SLC39A11: variants seen among roughly 807,000 people sequenced by gnomAD.
SLC39A11 encodes solute carrier family 39 member 11.
SLC39A11 carries 33 observed loss-of-function variants against 36.1 expected under a neutral mutation model. The ratio of observed to expected loss-of-function variants is 0.91; its 90% confidence interval spans 0.69 to 1.22. The LOEUF (loss-of-function observed/expected upper bound fraction) is 1.22. Ranked by LOEUF, SLC39A11 falls within the 50% of genes most tolerant of loss-of-function variation. The pLI, the probability that SLC39A11 is intolerant of heterozygous loss-of-function variation, is 0.00. For synonymous variants in SLC39A11, 166 were observed against 170.3 expected, an observed-to-expected ratio of 0.97 and a Z score of 0.20; for missense variants, 432 against 430.3, an observed-to-expected ratio of 1.00 and a Z score of -0.03.
intron 4 of SLC39A11, among the ~76,000 whole-genome samples, chr17:73,013,009 G>C (rs1238508459): frequency 6.6e-6 from 1 of 152,122 alleles, no homozygotes; most frequent in East Asian, 1.9e-4. Flanking sequence ...ATGTTGGCCA[G>C]GCTGGTCTCG....
chr17:73,021,682 C>G (rs149558311), intron 4 of SLC39A11, among the ~76,000 whole-genome samples: 2 of 152,296 alleles, frequency 1.3e-5, no homozygotes, highest in East Asian at 3.9e-4. Flanking sequence ...TCGACTGGTT[C>G]AATATGCTTC....
intron 6 of SLC39A11, among the ~76,000 whole-genome samples, chr17:72,805,457 T>C (rs2077219330): frequency 6.6e-6 from 1 of 152,188 alleles, no homozygotes; most frequent in African/African-American, 2.4e-5. Flanking sequence ...TCAGCAGACT[T>C]TGCACTTAGC....
At chr17:72,838,409 C>T (rs551484851) in intron 6 of SLC39A11, among the ~76,000 whole-genome samples, 2 of 151,786 alleles carry the variant, frequency 1.3e-5, no homozygotes, top group Admixed American at 6.6e-5. Context: ...TTTAATTTTT[C>T]GTAGAGATGG....
At chr17:73,044,150 A>C (rs912094877) in intron 3 of SLC39A11, among the ~76,000 whole-genome samples, 2 of 151,810 alleles carry the variant, frequency 1.3e-5, no homozygotes, top group Non-Finnish European at 2.9e-5. Flanking sequence ...TTGCTTAAAT[A>C]AGAAAAAAAA....
chr17:72,900,188 A>AAGGAAG lies in SLC39A11; in HGVS notation c.430+47563_430+47564insCTTCCT, dbSNP rs1567912814. Among the ~76,000 whole-genome samples the AAGGAAG allele has an allele frequency of 5.9e-4, 81 of 137,596 alleles. 12 individuals are homozygous for AAGGAAG. The highest frequency in any genetic ancestry group is 2.6e-3 in the African/African-American group (77 of 29,356). 90.3% of individuals were successfully genotyped at this position (137,596 alleles called of 152,430 possible). On this transcript the variant is annotated intron_variant, in intron 5 of 9. Coordinates refer to ENST00000255559, the MANE Select transcript of SLC39A11 (RefSeq NM_139177.4). ...AAGAAAGAAAGAAAGAAAGAAAGAA[A>AAGGAAG]GAAAGAAAGAAAGAAAGAAAGAAAG...
chr17:72,837,349 T>A (rs1015147706), intron 6 of SLC39A11, among the ~76,000 whole-genome samples: 1 of 126,732 alleles, frequency 7.9e-6, no homozygotes, highest in Admixed American at 8.7e-5. Flanking sequence ...ACTATAAAAA[T>A]GTATATTGCT....
chr17:72,991,973 C>T (rs992047108), intron 4 of SLC39A11, among the ~76,000 whole-genome samples: 5 of 152,184 alleles, frequency 3.3e-5, no homozygotes, highest in African/African-American at 1.2e-4. Flanking sequence ...ATGAGAGTTC[C>T]TATTTATCAA....
intron 5 of SLC39A11, among the ~76,000 whole-genome samples, chr17:72,936,017 C>T (rs1315338936): frequency 5.9e-5 from 9 of 152,008 alleles, no homozygotes; most frequent in South Asian, 4.1e-4. Context: ...GCCAACATGG[C>T]GAAACCCTGT....
intron 5 of SLC39A11, among the ~76,000 whole-genome samples, chr17:72,895,673 G>GAAGCAA: frequency 6.6e-6 from 1 of 151,772 alleles, no homozygotes; most frequent in African/African-American, 2.4e-5. Flanking sequence ...ACCCTAAAGG[G>GAAGCAA]AAGCAAACAT....
At chr17:72,900,145 AAAGAAAGAAAAG>A (rs2082281257) in intron 5 of SLC39A11, among the ~76,000 whole-genome samples, 2 of 25,056 alleles carry the variant, frequency 8.0e-5, no homozygotes, top group African/African-American at 1.2e-3. Context: ...AAAGAAAAAG[AAAGAAAGAAAAG>A]AAAGAAAGAA....
At chr17:72,755,189 A>G (rs1008579963) in intron 6 of SLC39A11, among the ~76,000 whole-genome samples, 7 of 152,210 alleles carry the variant, frequency 4.6e-5, no homozygotes, top group Admixed American at 4.6e-4. Flanking sequence ...AGCTGCTGGG[A>G]TCACAGATGT....
At chr17:72,901,479 G>A (rs779522877) in intron 5 of SLC39A11, among the ~76,000 whole-genome samples, 1 of 152,106 alleles carries the variant, frequency 6.6e-6, no homozygotes, top group Non-Finnish European at 1.5e-5. Flanking sequence ...TAGAGATTTG[G>A]GTACGGTACA....
intron 7 of SLC39A11, among the ~76,000 whole-genome samples, chr17:72,722,172 A>G (rs753233456): frequency 7.2e-5 from 11 of 152,064 alleles, no homozygotes; most frequent in Non-Finnish European, 1.6e-4. Flanking sequence ...ATACTTAGGA[A>G]TTCAAGAATC....
At chr17:73,020,323 C>T (rs1466972731) in intron 4 of SLC39A11, among the ~76,000 whole-genome samples, 1 of 152,174 alleles carries the variant, frequency 6.6e-6, no homozygotes, top group Non-Finnish European at 1.5e-5. Context: ...TAAGAAGAGA[C>T]ATCAGAGAGC....
At chr17:72,807,153 T>A (rs2077282462) in intron 6 of SLC39A11, among the ~76,000 whole-genome samples, 1 of 152,216 alleles carries the variant, frequency 6.6e-6, no homozygotes, top group South Asian at 2.1e-4. Flanking sequence ...CCTCTTCTTC[T>A]CCCTCTGAGG....
intron 3 of SLC39A11, among the ~76,000 whole-genome samples, chr17:73,045,266 C>T (rs746355051): frequency 3.3e-5 from 5 of 151,782 alleles, no homozygotes; most frequent in Non-Finnish European, 7.4e-5. Context: ...GTAGGTCCCC[C>T]AGGTGAAGTC....
intron 6 of SLC39A11, among the ~76,000 whole-genome samples, chr17:72,811,968 G>T (rs2077447626): frequency 1.3e-5 from 2 of 152,166 alleles, no homozygotes; most frequent in African/African-American, 4.8e-5. Flanking sequence ...ATAAAGTGAT[G>T]AAATTGCATC....
At chr17:72,676,776 C>T (rs960820098) in intron 7 of SLC39A11, among the ~76,000 whole-genome samples, 1 of 152,288 alleles carries the variant, frequency 6.6e-6, no homozygotes, top group East Asian at 1.9e-4. Flanking sequence ...TTTTGGTATA[C>T]GTTAGGCAGA....
chr17:72,672,662 C>T (rs2071072531), intron 7 of SLC39A11, among the ~76,000 whole-genome samples: 1 of 152,076 alleles, frequency 6.6e-6, no homozygotes, highest in East Asian at 1.9e-4. Flanking sequence ...TACAATGACA[C>T]TATCATGGCT....
Sources: allele counts gnomAD v4.1 joint callset (sites outside exome capture counted in the v4.1 genomes callset), GRCh38; gene constraint gnomAD v4.1.1; transcripts MANE v1.5; gene names NCBI Gene and HGNC (gene_info 2026-07-23, HGNC 2026-07-21).